CSMD1: variants seen among roughly 807,000 people sequenced by gnomAD.
The protein encoded by CSMD1 is CUB and Sushi multiple domains 1.
CSMD1 carries 213 observed loss-of-function variants against 417.5 expected under a neutral mutation model. The ratio of observed to expected loss-of-function variants is 0.51; its 90% CI spans 0.46 to 0.57. CSMD1 has a LOEUF of 0.57. CSMD1 is among the 20% of genes least tolerant of loss of function. CSMD1 has a pLI of 0.00. For synonymous variants in CSMD1, 2,862 were observed against 1,736.8 expected, an observed-to-expected ratio of 1.65 and a Z score of -16.11; for missense variants, 6,923 against 4,529.7, an observed-to-expected ratio of 1.53 and a Z score of -15.17.
intron 1 of CSMD1, among the ~76,000 whole-genome samples, chr8:4,711,088 T>G (rs1334995881): frequency 1.3e-5 from 2 of 151,352 alleles, no homozygotes; most frequent in Admixed American, 6.6e-5. Flanking sequence ...CAGAAAACAG[T>G]CTTATGTAAA....
intron 8 of CSMD1, among the ~76,000 whole-genome samples, chr8:3,590,765 G>C (rs961825422): frequency 2.0e-5 from 3 of 152,164 alleles, no homozygotes; most frequent in African/African-American, 7.2e-5. Context: ...AGCCGAGGAG[G>C]AGACTCCACG....
chr8:3,846,203 C>G (rs752230829), intron 5 of CSMD1, among the ~76,000 whole-genome samples: 46 of 152,172 alleles, frequency 3.0e-4, no homozygotes, highest in Non-Finnish European at 4.7e-4. Flanking sequence ...ATATAACACA[C>G]TATACGTTTG....
chr8:3,819,935 G>C (rs28531933), intron 5 of CSMD1, among the ~76,000 whole-genome samples: 14 of 151,982 alleles, frequency 9.2e-5, no homozygotes, highest in African/African-American at 2.9e-4. Context: ...CCACAGCTTC[G>C]CCTCTCCCTT....
At chr8:3,118,897 C>A (rs1034607570) in intron 41 of CSMD1, among the ~76,000 whole-genome samples, 1 of 152,262 alleles carries the variant, frequency 6.6e-6, no homozygotes, top group African/African-American at 2.4e-5. Flanking sequence ...GAAAGTAATA[C>A]AGGCTGGGAG....
intron 3 of CSMD1, among the ~76,000 whole-genome samples, chr8:4,278,981 G>C (rs762449395): frequency 1.3e-4 from 20 of 152,244 alleles, no homozygotes; most frequent in Admixed American, 2.6e-4. Context: ...AAATAAGATT[G>C]CTATATTGTT....
chr8:4,080,918 T>A (rs1438035055), intron 3 of CSMD1, among the ~76,000 whole-genome samples: 3 of 152,174 alleles, frequency 2.0e-5, no homozygotes, highest in Non-Finnish European at 1.5e-5. Flanking sequence ...AGGCAGGGCC[T>A]TTGTGAGGTG....
At chr8:4,677,146 A>G (rs983453716) in intron 1 of CSMD1, among the ~76,000 whole-genome samples, 3 of 148,438 alleles carry the variant, frequency 2.0e-5, no homozygotes, top group Non-Finnish European at 3.0e-5. Flanking sequence ...AAAATAATAT[A>G]TACATTATAT....
intron 3 of CSMD1, among the ~76,000 whole-genome samples, chr8:4,032,335 G>C (rs971095550): frequency 9.2e-5 from 14 of 152,146 alleles, no homozygotes; most frequent in African/African-American, 3.4e-4. Flanking sequence ...TTTGTTAAGA[G>C]AGAAAAATAT....
intron 3 of CSMD1, among the ~76,000 whole-genome samples, chr8:4,321,973 C>A (rs1169387649): frequency 6.6e-6 from 1 of 151,970 alleles, no homozygotes; most frequent in Admixed American, 6.6e-5. Flanking sequence ...TTACCAGGGT[C>A]ATAGACATTG....
At chr8:4,799,629 G>A (rs1037442350) in intron 1 of CSMD1, among the ~76,000 whole-genome samples, 810 of 66,748 alleles carry the variant, frequency 0.012, 1 homozygote, top group African/African-American at 0.015. Context: ...AAAAAAAAAA[G>A]TAATCCCTGG....
At chr8:3,572,228 G>C (rs910017790) in intron 10 of CSMD1, among the ~76,000 whole-genome samples, 2 of 152,154 alleles carry the variant, frequency 1.3e-5, no homozygotes, top group Non-Finnish European at 2.9e-5. Context: ...AGTCCAAGTG[G>C]GGCTGTGTCA....
intron 7 of CSMD1, among the ~76,000 whole-genome samples, chr8:3,697,127 T>C (rs1563283238): frequency 6.6e-6 from 1 of 152,186 alleles, no homozygotes; most frequent in Non-Finnish European, 1.5e-5. Flanking sequence ...ATCAGCATAA[T>C]CATCATTCAG....
intron 25 of CSMD1, among the ~76,000 whole-genome samples, chr8:3,292,276 TGTG>T (rs1187024238): frequency 6.6e-6 from 1 of 152,164 alleles, no homozygotes; most frequent in Non-Finnish European, 1.5e-5. Flanking sequence ...GTAGGTGTGG[TGTG>T]GTGCTGAAAA....
At position 4,030,024 on chromosome 8, in the gene CSMD1, G is replaced by A. The variant is rs143026863; in HGVS notation, c.610+1881C>T. On this transcript the variant is annotated intron_variant, in intron 4 of 69. Transcript: ENST00000635120. The stretch of plus-strand genomic sequence containing the variant: ...CAGGTCATGCTGATGCAAGAGGTGA[G>A]CTCCAACAGTCTTGGGCAGGTGTAC... 1.3e-3 allele frequency among the ~76,000 whole-genome samples: 195 copies of A among 152,292 alleles called. 1 individual carries two copies. The highest frequency in any genetic ancestry group is 4.6e-3 in the African/African-American group (193 of 41,576).
chr8:3,261,608 G>T lies in CSMD1; in HGVS notation c.4153+22536C>A, dbSNP rs7820456. Among the ~76,000 whole-genome samples, 21 of 152,096 alleles carry T rather than the reference G, an allele frequency of 1.4e-4. No individual in the cohort carries two copies. In the East Asian group the frequency reaches 2.7e-3, roughly 20 times the overall value. ...TCTGGAAATTACCCAGGTGTCCTTC[G>T]GCGGTGAGTGATTAAACCAACTGCT... On this transcript the variant is annotated intron_variant, in intron 26 of 69. Coordinates refer to ENST00000635120, the MANE Select transcript of CSMD1 (RefSeq NM_033225.6).
chr8:4,025,731 G>C (rs1282361854), intron 4 of CSMD1, among the ~76,000 whole-genome samples: 2 of 152,078 alleles, frequency 1.3e-5, no homozygotes, highest in Non-Finnish European at 2.9e-5. Context: ...TGAATTTTGA[G>C]GTCTCATTTT....
chr8:3,757,469 TTCAG>T (rs1267346222), intron 5 of CSMD1, among the ~76,000 whole-genome samples: 3 of 152,242 alleles, frequency 2.0e-5, no homozygotes, highest in Admixed American at 1.3e-4. Flanking sequence ...ATTGTATTTT[TTCAG>T]TCACTTAACA....
chr8:3,546,070 G>T (rs1430187707), intron 10 of CSMD1, among the ~76,000 whole-genome samples: 1 of 152,306 alleles, frequency 6.6e-6, no homozygotes, highest in Non-Finnish European at 1.5e-5. Context: ...ACATTTAACA[G>T]CCCTTGCTAA....
intron 5 of CSMD1, among the ~76,000 whole-genome samples, chr8:3,795,023 A>ATATAGCTATAGATATATATCTATCATG (rs1799966003): frequency 2.1e-5 from 2 of 96,700 alleles, no homozygotes; most frequent in Admixed American, 1.2e-4. Context: ...TATCTATCAT[A>ATATAGCTATAGATATATATCTATCATG]TATAGCTATA....
Sources: gnomAD v4.1 joint callset for allele counts (sites outside exome capture counted in the v4.1 genomes callset) on GRCh38, gnomAD v4.1.1 for gene constraint, MANE v1.5 for transcripts, NCBI Gene and HGNC (gene_info 2026-07-23, HGNC 2026-07-21) for gene names.